Variants in SLC35B3 observed in about 807,000 individuals in gnomAD.
The protein encoded by SLC35B3 is adenosine 3'-phospho 5'-phosphosulfate transporter 2.
Under a neutral mutation model 44.1 loss-of-function variants are expected in SLC35B3, and 35 were observed. The ratio of observed to expected loss-of-function variants is 0.79; its 90% CI spans 0.61 to 1.05. SLC35B3 has a LOEUF of 1.05. SLC35B3 is among the 50% of genes least tolerant of loss of function. The pLI is 0.00. For missense variants in SLC35B3, 414 were observed against 476.4 expected, an observed-to-expected ratio of 0.87 and a Z score of 1.22; for synonymous variants, 146 against 167.3, an observed-to-expected ratio of 0.87 and a Z score of 0.98.
In SLC35B3 at chr6:8,414,962, T is replaced by C; in HGVS notation, c.1001A>G (p.Lys334Arg). The change falls in exon 10 of 11, where the codon AAA (lysine) becomes AGA (arginine). Residue 334 changes from lysine (K) to arginine (R), a missense_variant. Lys to Arg is a conservative substitution (Grantham distance 26). Transcript: ENST00000644923. The stretch of plus-strand genomic sequence containing the variant: ...AAACGAAAGTACAATGGTCATTGCT[T>C]TTCTTCCTGTTGTCACTGTAGGAGC... 1 of 1,605,112 alleles carries C rather than the reference T, an allele frequency of 6.2e-7. No individual in the cohort carries two copies. The highest frequency in any genetic ancestry group is 8.5e-7 in the Non-Finnish European group (1 of 1,174,136).
chr6:8,417,409 C>A lies in SLC35B3; in HGVS notation c.866G>T (p.Cys289Phe). ...AATGTGATTAGTGTTTACCTTTGCA[C>A]AAAATGTTACTGCAGGGCCTAATCC... is the stretch of plus-strand genomic sequence containing the variant. Residue 289 changes from cysteine to phenylalanine, a missense_variant, in exon 8 of 11, where the codon TGT (cysteine) becomes TTT (phenylalanine). Transcript: ENST00000644923. 1 of 1,583,302 alleles carries A rather than the reference C, an allele frequency of 6.3e-7. No homozygotes were observed. Among genetic ancestry groups the A allele is most frequent in the South Asian group, 1.2e-5 (1 of 86,044 alleles).
chr6:8,429,212 C>T (rs1050282284), intron 3 of SLC35B3, among the ~76,000 whole-genome samples: 1 of 152,150 alleles, frequency 6.6e-6, no homozygotes, highest in African/African-American at 2.4e-5. Flanking sequence ...CCTGGATCCT[C>T]ACCCATCCAG....
At chr6:8,422,967 A>C (rs1363827786) in intron 4 of SLC35B3, among the ~76,000 whole-genome samples, 2 of 151,708 alleles carry the variant, frequency 1.3e-5, no homozygotes, top group Non-Finnish European at 2.9e-5. Context: ...TAACCATCTT[A>C]AGTTAGAGAA....
At chr6:8,415,825 C>G (rs947199436) in intron 9 of SLC35B3, among the ~76,000 whole-genome samples, 4 of 151,928 alleles carry the variant, frequency 2.6e-5, no homozygotes, top group Admixed American at 2.6e-4. Flanking sequence ...GGTCATGTGT[C>G]TAGGCTATGG....
intron 4 of SLC35B3, among the ~76,000 whole-genome samples, chr6:8,426,386 G>T (rs997986346): frequency 1.3e-5 from 2 of 152,092 alleles, no homozygotes; most frequent in Admixed American, 6.5e-5. Context: ...ATCTGGAATT[G>T]TACTCCCATA....
At position 8,432,070 on chromosome 6, in the gene SLC35B3, C is replaced by T. The variant is rs1408934136; in HGVS notation, c.4-1913G>A. On this transcript the variant is annotated intron_variant, in intron 2 of 10. Coordinates refer to ENST00000644923, the MANE Select transcript of SLC35B3 (RefSeq NM_001370476.2). This position sits in a 1 kb window ranked among gnomAD's most constrained non-coding sequence, Gnocchi z 4.8. ...TCCCCCCAGTTATTAGAAAAGAGAA[C>T]TTGAAAGGCAAGATTCAAATCTTAT... Among the ~76,000 whole-genome samples, 1 of 152,126 alleles carries T rather than the reference C, an allele frequency of 6.6e-6. No individual in the cohort carries two copies. The highest frequency in any genetic ancestry group is 3.2e-3 in the Middle Eastern group (1 of 316).
Position 8,419,698 on chromosome 6 carries a change from A to T in SLC35B3, c.683-21T>A. The T allele has an allele frequency of 7.4e-7, 1 of 1,358,072 alleles. No individual in the cohort carries two copies. The highest frequency in any genetic ancestry group is 1.0e-6 in the Non-Finnish European group (1 of 1,001,878). The allele number at this position is 1,358,072 out of a possible 1,614,324, so 84.1% of individuals were successfully genotyped here. ...CACACCTTCAAGAAGGTATTAAAAAAACAAACAAAAAAACCCTCCTTATTT... is the reference window on the plus strand; with the variant it reads ...CACACCTTCAAGAAGGTATTAAAAATACAAACAAAAAAACCCTCCTTATTT... On this transcript the variant is annotated intron_variant, in intron 6 of 10. Transcript: ENST00000644923. The surrounding 1 kb of genome is among the most constrained non-coding windows in gnomAD (Gnocchi z 4.3).
rs375047543 is a variant in SLC35B3 at position 8,431,689 on chromosome 6, G to C, written c.4-1532C>G. On this transcript the variant is annotated intron_variant, in intron 2 of 10. Transcript: ENST00000644923. The stretch of plus-strand genomic sequence containing the variant: ...TTATGTAATCTTGCAGGGTATCTTT[G>C]AGATGTGACTTTCTTTTAAAACCAT... 4.8e-4 allele frequency among the ~76,000 whole-genome samples: 73 copies of C among 152,226 alleles called. 1 individual carries two copies. In the South Asian group the frequency reaches 0.013, roughly 27 times the overall value.
rs934278395 is a variant in SLC35B3, at chr6:8,434,639, C to T, written c.-43-209G>A. ...TAAATTATTTTGAAATGCTGCCTCT[C>T]TTCCAAGTTCCAAACTATCTCAATT... On this transcript the variant is annotated intron_variant, in intron 1 of 10. Coordinates refer to ENST00000644923, the MANE Select transcript of SLC35B3 (RefSeq NM_001370476.2). This position sits in a 1 kb window ranked among gnomAD's most constrained non-coding sequence, Gnocchi z 6.3. Among the ~76,000 whole-genome samples, 1 of 152,136 alleles carries T rather than the reference C, an allele frequency of 6.6e-6. No homozygotes were observed. The highest frequency in any genetic ancestry group is 6.5e-5 in the Admixed American group (1 of 15,278).
At chr6:8,423,996 A>G (rs1409833791) in intron 4 of SLC35B3, among the ~76,000 whole-genome samples, 3 of 152,222 alleles carry the variant, frequency 2.0e-5, no homozygotes, top group Admixed American at 2.0e-4. Flanking sequence ...ATTGGCAGAA[A>G]ATAAAAATTC....
intron 3 of SLC35B3, among the ~76,000 whole-genome samples, chr6:8,428,642 T>C (rs1763669908): frequency 6.6e-6 from 1 of 152,156 alleles, no homozygotes; most frequent in Non-Finnish European, 1.5e-5. Flanking sequence ...CTAAAATATC[T>C]GATTATTAAT....
At position 8,435,513 on chromosome 6, in the gene SLC35B3, A is replaced by T. The variant is rs927260538; in HGVS notation, c.-214T>A. On this transcript the variant is annotated 5_prime_UTR_variant, in exon 1 of 11. It adds an upstream start codon to the 5' untranslated region. Coordinates refer to ENST00000644923, the MANE Select transcript of SLC35B3 (RefSeq NM_001370476.2). This position sits in a 1 kb window ranked among gnomAD's most constrained non-coding sequence, Gnocchi z 5.5. ...GTCGCCTCCCCGGAAAGCACTCTCA[A>T]CTCCGGCGCCCGCAGGCCACTTCCG... 1 of 617,416 alleles carries T rather than the reference A, an allele frequency of 1.6e-6. No homozygotes were observed. The highest frequency in any genetic ancestry group is 1.9e-5 in the African/African-American group (1 of 51,616). The allele number at this position is 617,416 out of a possible 1,614,324, so 38.2% of individuals were successfully genotyped here.
In SLC35B3 at chr6:8,416,913, T is replaced by G; in HGVS notation, c.956A>C (p.Lys319Thr). 1 of 1,597,786 alleles carries G rather than the reference T, an allele frequency of 6.3e-7. No homozygotes were observed. Among genetic ancestry groups the G allele is most frequent in the African/African-American group, 1.3e-5 (1 of 74,284 alleles). Residue 319 changes from lysine to threonine, a missense_variant, in exon 9 of 11, where the codon AAA (lysine) becomes ACA (threonine). Physicochemically the swap from Lys to Thr is moderately conservative, Grantham distance 78 (BLOSUM62 -1). Coordinates refer to ENST00000644923, the MANE Select transcript of SLC35B3 (RefSeq NM_001370476.2). ...TACAGCAATAAGTGCACCAAAAATTTTAATCAAAGCCAGAACAAAGGAGAT... is the reference window on the plus strand; with the variant it reads ...TACAGCAATAAGTGCACCAAAAATTGTAATCAAAGCCAGAACAAAGGAGAT...
chr6:8,422,002 G>C (rs541903607), intron 5 of SLC35B3, among the ~76,000 whole-genome samples: 7 of 151,848 alleles, frequency 4.6e-5, no homozygotes, highest in Non-Finnish European at 8.8e-5. Context: ...GTGTTTGTTT[G>C]TTTGTTTGTT....
rs1764277404 is a variant in SLC35B3 at position 8,434,326 on chromosome 6, A to G, written c.3+59T>C. On this transcript the variant is annotated intron_variant, in intron 2 of 10. Coordinates refer to ENST00000644923, the MANE Select transcript of SLC35B3 (RefSeq NM_001370476.2). The surrounding 1 kb of genome is among the most constrained non-coding windows in gnomAD (Gnocchi z 6.3). ...AGTCATTACGGTGTCATTAACCTGAAAAAACGTGATTTTAACTATACTTTG... is the reference window on the plus strand; with the variant it reads ...AGTCATTACGGTGTCATTAACCTGAGAAAACGTGATTTTAACTATACTTTG... 1.9e-6 allele frequency: 3 copies of G among 1,545,614 alleles called. No individual in the cohort carries two copies. The highest frequency in any genetic ancestry group is 1.7e-5 in the Admixed American group (1 of 59,328).
intron 5 of SLC35B3, among the ~76,000 whole-genome samples, chr6:8,421,883 T>C (rs933939445): frequency 6.6e-6 from 1 of 152,200 alleles, no homozygotes; most frequent in African/African-American, 2.4e-5. Context: ...TACGTAAATA[T>C]AGTATTGCTG....
chr6:8,413,702 A>G lies in SLC35B3; in HGVS notation c.1056-3T>C, dbSNP rs112339162. On this transcript the variant is annotated splice_polypyrimidine_tract_variant and splice_region_variant and intron_variant, in intron 10 of 10. Transcript: ENST00000644923. The stretch of plus-strand genomic sequence containing the variant: ...CTAACAAACCAGACCATACATACCT[A>G]AGAGAAAGAAATAAGGAAAAAAAAT... 3.2e-4 allele frequency: 473 copies of G among 1,490,122 alleles called. 1 individual carries two copies. In the African/African-American group the frequency reaches 5.8e-3, roughly 18 times the overall value. 92.3% of individuals were successfully genotyped at this position (1,490,122 alleles called of 1,614,324 possible). A position where few individuals can be genotyped will look rare whatever the true frequency, so the allele number is the denominator to read the frequency against.
intron 9 of SLC35B3, among the ~76,000 whole-genome samples, chr6:8,416,600 T>C (rs1321420503): frequency 1.3e-5 from 2 of 152,198 alleles, no homozygotes; most frequent in Non-Finnish European, 2.9e-5. Flanking sequence ...GAGGTCGTCA[T>C]CTCATCATAA....
In SLC35B3 at chr6:8,417,465, T is replaced by C. The variant is rs769279422; in HGVS notation, c.810A>G (p.Val270=). Reference sequence around the variant, plus strand: ...TGCATGTCAATCCCAGTAAAATGTATACAAAACCAATTGAATACGAATACA... The same window carrying C: ...TGCATGTCAATCCCAGTAAAATGTACACAAAACCAATTGAATACGAATACA... Residue 270 remains valine (V), a synonymous_variant, in exon 8 of 11, where the codon GTA becomes GTG. Coordinates refer to ENST00000644923, the MANE Select transcript of SLC35B3 (RefSeq NM_001370476.2). The C allele has an allele frequency of 1.9e-5, 31 of 1,602,074 alleles. No homozygotes were observed. Among genetic ancestry groups the C allele is most frequent in the South Asian group, 2.2e-5 (2 of 88,956 alleles).
Sources: allele counts gnomAD v4.1 joint callset (sites outside exome capture counted in the v4.1 genomes callset), GRCh38; gene constraint gnomAD v4.1.1; non-coding constraint Gnocchi (gnomAD v3.1); transcripts MANE v1.5; gene names NCBI Gene and HGNC (gene_info 2026-07-23, HGNC 2026-07-21).